PSMD13: variants seen among roughly 807,000 people sequenced by gnomAD.
The protein encoded by PSMD13 is proteasome 26S subunit, non-ATPase 13.
Under a neutral mutation model 57.4 loss-of-function variants are expected in PSMD13, and 8 were observed. The ratio of observed to expected loss-of-function variants is 0.14; its 90% confidence interval spans 0.08 to 0.25. The LOEUF (loss-of-function observed/expected upper bound fraction) is 0.25, where lower values mean the gene tolerates loss of function less well. PSMD13 is among the 10% of genes least tolerant of loss of function. The pLI, the probability that PSMD13 is intolerant of heterozygous loss-of-function variation, is 1.00. For missense variants in PSMD13, 400 were observed against 461.5 expected (o/e 0.87, Z 1.22); for synonymous variants, 193 against 168.2 (o/e 1.15, Z -1.14).
Position 252,051 on chromosome 11 carries a change from G to A in PSMD13, c.1035+115G>A, listed in dbSNP as rs187534924. ...GGGAAGACAGCATTATTAGACAAGA[G>A]GTTTTGGAGAAGGAAATACTGCTGT... On this transcript the variant is annotated intron_variant, in intron 12 of 12. Coordinates refer to ENST00000532097, the MANE Select transcript of PSMD13 (RefSeq NM_002817.4). The surrounding 1 kb of genome is among the most constrained non-coding windows in gnomAD (Gnocchi z 4.1). 3,062 of 1,000,506 alleles carry A rather than the reference G, an allele frequency of 3.1e-3. 129 individuals are homozygous for A. The Admixed American group carries it at 0.06, about 20-fold the overall frequency. 62.0% of individuals were successfully genotyped at this position (1,000,506 alleles called of 1,614,324 possible).
chr11:239,000 T>G lies in PSMD13; in HGVS notation c.98T>G (p.Leu33Trp). The change falls in exon 2 of 13, where the codon TTG (leucine) becomes TGG (tryptophan). Residue 33 changes from leucine (L) to tryptophan (W), a missense_variant and splice_region_variant. Coordinates refer to ENST00000532097, the MANE Select transcript of PSMD13 (RefSeq NM_002817.4). Reference sequence around the variant, plus strand: ...CTTAAGGGCTGTATGTTTTTCAGGTTGTGGCATCAGCTGACACTTCAGGTG... The same window carrying G: ...CTTAAGGGCTGTATGTTTTTCAGGTGGTGGCATCAGCTGACACTTCAGGTG... ...HRLEELYTKKLWHQLTLQVLD... is the reference protein window; with the variant it reads ...HRLEELYTKKWWHQLTLQVLD... The G allele has an allele frequency of 6.2e-7, 1 of 1,614,108 alleles. No homozygotes were observed. Among genetic ancestry groups the G allele is most frequent in the Non-Finnish European group, 8.5e-7 (1 of 1,179,966 alleles).
At position 247,131 on chromosome 11, in the gene PSMD13, C is replaced by G. The variant is rs766583968; in HGVS notation, c.397-146C>G. On this transcript the variant is annotated intron_variant, in intron 6 of 12. Coordinates refer to ENST00000532097, the MANE Select transcript of PSMD13 (RefSeq NM_002817.4). ...AGCACAGTGGCTTGAACCTGTAATC[C>G]CAGCTACTACAGAGGCTGAGGTGGG... The G allele has an allele frequency of 8.8e-4, 616 of 697,104 alleles. 1 individual carries two copies. Among genetic ancestry groups the G allele is most frequent in the Non-Finnish European group, 1.3e-3 (563 of 445,094 alleles). The allele number at this position is 697,104 out of a possible 1,614,324, so 43.2% of individuals were successfully genotyped here.
intron 9 of PSMD13, among the ~76,000 whole-genome samples, chr11:250,032 T>G (rs1018405588): frequency 8.7e-5 from 13 of 149,544 alleles, no homozygotes; most frequent in African/African-American, 2.0e-4. Flanking sequence ...TTATAGCAAT[T>G]TAAAGAAAAA....
At chr11:242,482 A>G (rs1380099098) in intron 2 of PSMD13, among the ~76,000 whole-genome samples, 1 of 152,002 alleles carries the variant, frequency 6.6e-6, no homozygotes, top group Non-Finnish European at 1.5e-5. Flanking sequence ...TACACAGAAG[A>G]TAGATATAAG....
intron 1 of PSMD13, among the ~76,000 whole-genome samples, chr11:237,668 C>T (rs1859352376): frequency 6.6e-6 from 1 of 152,124 alleles, no homozygotes; most frequent in African/African-American, 2.4e-5. Flanking sequence ...CATTCTGCAG[C>T]TGGTTGCACG....
chr11:242,375 A>C (rs1178117725), intron 2 of PSMD13, among the ~76,000 whole-genome samples: 1 of 151,398 alleles, frequency 6.6e-6, no homozygotes, highest in East Asian at 1.9e-4. Context: ...TTTGATTAGC[A>C]AACATTTCTC....
intron 2 of PSMD13, among the ~76,000 whole-genome samples, chr11:240,128 T>TTTTTTTTTTTTTTTTTTTTTTG (rs869292581): frequency 7.1e-6 from 1 of 141,614 alleles, no homozygotes; most frequent in African/African-American, 2.9e-5. Flanking sequence ...TTTTTTTTTT[T>TTTTTTTTTTTTTTTTTTTTTTG]GACGGAGTTT....
intron 9 of PSMD13, among the ~76,000 whole-genome samples, chr11:250,151 A>G (rs777492786): frequency 6.6e-6 from 1 of 152,202 alleles, no homozygotes; most frequent in Non-Finnish European, 1.5e-5. Flanking sequence ...TGTGGCAGAA[A>G]TGTCCCCATC....
At position 252,418 on chromosome 11, in the gene PSMD13, G is replaced by C; in HGVS notation, c.1036-87G>C. The C allele has an allele frequency of 8.1e-7, 1 of 1,228,072 alleles. No individual in the cohort carries two copies. Among genetic ancestry groups the C allele is most frequent in the Non-Finnish European group, 1.2e-6 (1 of 833,180 alleles). The allele number at this position is 1,228,072 out of a possible 1,614,324, so 76.1% of individuals were successfully genotyped here. A position where few individuals can be genotyped will look rare whatever the true frequency, so the allele number is the denominator to read the frequency against. On this transcript the variant is annotated intron_variant, in intron 12 of 12. Coordinates refer to ENST00000532097, the MANE Select transcript of PSMD13 (RefSeq NM_002817.4). The surrounding 1 kb of genome is among the most constrained non-coding windows in gnomAD (Gnocchi z 4.1). ...CCCTAGAGAGTTAGCTGGAGATGTA[G>C]AGTCACCCCATCAGGTGCTGTGCCG...
Position 252,255 on chromosome 11 carries a change from G to C in PSMD13, c.1036-250G>C. ...GCTCACGTCGCTCTTACATTTGCTG[G>C]AAATGCGATCCTGTGGATTTCCTCT... On this transcript the variant is annotated intron_variant, in intron 12 of 12. Coordinates refer to ENST00000532097, the MANE Select transcript of PSMD13 (RefSeq NM_002817.4). The surrounding 1 kb of genome is among the most constrained non-coding windows in gnomAD (Gnocchi z 4.1). The C allele has an allele frequency of 1.9e-6, 1 of 523,266 alleles. No individual in the cohort carries two copies. The allele number at this position is 523,266 out of a possible 1,614,324, so 32.4% of individuals were successfully genotyped here. A position where few individuals can be genotyped will look rare whatever the true frequency, so the allele number is the denominator to read the frequency against.
Position 247,378 on chromosome 11 carries a change from C to A in PSMD13, c.498C>A (p.Ile166=). 2 of 1,504,552 alleles carry A rather than the reference C, an allele frequency of 1.3e-6. No homozygotes were observed. The highest frequency in any genetic ancestry group is 9.0e-7 in the Non-Finnish European group (1 of 1,112,208). The allele number at this position is 1,504,552 out of a possible 1,614,324, so 93.2% of individuals were successfully genotyped here. A position where few individuals can be genotyped will look rare whatever the true frequency, so the allele number is the denominator to read the frequency against. Residue 166 remains isoleucine (I), a synonymous_variant, in exon 7 of 13, where the codon ATC becomes ATA. Coordinates refer to ENST00000532097, the MANE Select transcript of PSMD13 (RefSeq NM_002817.4). Reference sequence around the variant, plus strand: ...TCTCCAGTAAATACTATCAAACAATCGGAAACCACGCGTCCTACTACAAAG... The same window carrying A: ...TCTCCAGTAAATACTATCAAACAATAGGAAACCACGCGTCCTACTACAAAG... ...YDLSSKYYQT[I]GNHASYYKDA...
chr11:242,802 C>G (rs968940708), intron 2 of PSMD13, among the ~76,000 whole-genome samples: 2 of 148,558 alleles, frequency 1.3e-5, no homozygotes, highest in African/African-American at 4.9e-5. Flanking sequence ...TTCTTTTTCT[C>G]TTTTTTTTTT....
Position 250,083 on chromosome 11 carries a change from A to G in PSMD13, c.775-720A>G, listed in dbSNP as rs1353164873. Among the ~76,000 whole-genome samples the G allele has an allele frequency of 2.0e-5, 3 of 152,138 alleles. No individual in the cohort carries two copies. In the East Asian group the frequency reaches 5.8e-4, roughly 29 times the overall value. On this transcript the variant is annotated intron_variant, in intron 9 of 12. Transcript: ENST00000532097. ...GCATGTTGGCAGCATCTATTCAGGC[A>G]GCAAAGCCTGTCTGGAGGGGTAGTG...
At position 251,922 on chromosome 11, in the gene PSMD13, T is replaced by C. The variant is rs773160866; in HGVS notation, c.1021T>C (p.Leu341=). Residue 341 remains leucine (L), a synonymous_variant, in exon 12 of 13, where the codon TTG becomes CTG. Coordinates refer to ENST00000532097, the MANE Select transcript of PSMD13 (RefSeq NM_002817.4). This position sits in a 1 kb window ranked among gnomAD's most constrained non-coding sequence, Gnocchi z 4.6. ...VHMTWVQPRV[L]DLQQIKGMKD... is the part of the protein sequence containing the mutation. ...CATGACCTGGGTGCAGCCCCGAGTGTTGGATTTGCAACAGGTGATGTGTTT... is the reference window on the plus strand; with the variant it reads ...CATGACCTGGGTGCAGCCCCGAGTGCTGGATTTGCAACAGGTGATGTGTTT... The C allele has an allele frequency of 1.2e-6, 2 of 1,613,702 alleles. No homozygotes were observed. The highest frequency in any genetic ancestry group is 1.3e-5 in the African/African-American group (1 of 75,042).
rs969967848 is a variant in PSMD13 at position 252,764 on chromosome 11, G to T, written c.*164G>T. The T allele has an allele frequency of 1.1e-4, 67 of 622,260 alleles. 1 individual carries two copies. In the South Asian group the frequency reaches 1.2e-3, roughly 12 times the overall value. 38.5% of individuals were successfully genotyped at this position (622,260 alleles called of 1,614,324 possible). On this transcript the variant is annotated 3_prime_UTR_variant, in exon 13 of 13. Transcript: ENST00000532097. This position sits in a 1 kb window ranked among gnomAD's most constrained non-coding sequence, Gnocchi z 4.1. Reference sequence around the variant, plus strand: ...TCTAAAAACAGGACTGTCCCTGATGGGAGCCAGGCCACAGGGAGGAGGCTT... The same window carrying T: ...TCTAAAAACAGGACTGTCCCTGATGTGAGCCAGGCCACAGGGAGGAGGCTT...
chr11:248,077 C>CT (rs1859693010), intron 7 of PSMD13: 1 of 151,502 alleles, frequency 6.6e-6, no homozygotes, highest in Admixed American at 6.6e-5. Context: ...CCGCCCACCC[C>CT]TCTGCTGCAG....
intron 6 of PSMD13, among the ~76,000 whole-genome samples, chr11:245,678 G>A (rs1037065875): frequency 5.0e-5 from 6 of 120,696 alleles, no homozygotes; most frequent in African/African-American, 2.0e-4. Flanking sequence ...GTGTGTGTGT[G>A]TGTTTGCATG....
In PSMD13 at chr11:251,549, A is replaced by T; in HGVS notation, c.841A>T (p.Thr281Ser). The T allele has an allele frequency of 6.2e-7, 1 of 1,611,332 alleles. No individual in the cohort carries two copies. The highest frequency in any genetic ancestry group is 8.5e-7 in the Non-Finnish European group (1 of 1,178,688). The stretch of plus-strand genomic sequence containing the variant: ...TAGTTAATAAAATTTTTTCCAGATG[A>T]CTTTCACACGACCTGCCAATCACAG... The part of the protein sequence containing the change: ...KIQLLCLMEM[T>S]FTRPANHRQL... The change falls in exon 11 of 13, where the codon ACT (threonine) becomes TCT (serine). Residue 281 changes from threonine (T) to serine (S), a missense_variant. Transcript: ENST00000532097. The surrounding 1 kb of genome is among the most constrained non-coding windows in gnomAD (Gnocchi z 4.6).
intron 5 of PSMD13, 44 bp downstream of exon 5, chr11:244,513 T>G (rs1237529158): frequency 1.9e-6 from 3 of 1,570,844 alleles, no homozygotes; most frequent in Non-Finnish European, 2.6e-6. Context: ...CCTTTTAGAG[T>G]ATGTATGACT....
Sources: allele counts gnomAD v4.1 joint callset (sites outside exome capture counted in the v4.1 genomes callset), GRCh38; gene constraint gnomAD v4.1.1; non-coding constraint Gnocchi (gnomAD v3.1); transcripts MANE v1.5; gene names NCBI Gene and HGNC (gene_info 2026-07-23, HGNC 2026-07-21).